Variants in IPO5 observed in about 807,000 individuals in gnomAD.
IPO5 encodes the protein importin-5.
In IPO5, 18 loss-of-function variants were observed where a neutral mutation model predicts 143.3. That is an observed-to-expected ratio of 0.13 (90% CI 0.09 to 0.19). The LOEUF is 0.19. Among genes scored for constraint, IPO5 ranks in the 10% least tolerant of loss-of-function variants. The pLI is 1.00. For synonymous variants in IPO5, 477 were observed against 465.7 expected, an observed-to-expected ratio of 1.02 and a Z score of -0.31; for missense variants, 1,013 against 1,336.9, an observed-to-expected ratio of 0.76 and a Z score of 3.78.
rs1362638283 is a variant in IPO5 at position 98,022,898 on chromosome 13, A to G, written c.*1076A>G. On this transcript the variant is annotated 3_prime_UTR_variant, in exon 29 of 29. Coordinates refer to ENST00000651721, the MANE Select transcript of IPO5 (RefSeq NM_002271.6). The stretch of plus-strand genomic sequence containing the variant: ...CAGTAAAATGTGTGAATGTTTCTTT[A>G]TGTATTAACCTCATAGCAGTAAATG... 6.6e-6 allele frequency: 1 copy of G among 152,640 alleles called. No individual in the cohort carries two copies. The allele number at this position is 152,640 out of a possible 1,614,324, so 9.5% of individuals were successfully genotyped here. A position where few individuals can be genotyped will look rare whatever the true frequency, so the allele number is the denominator to read the frequency against.
At chr13:97,999,275 T>G (rs551983429) in intron 12 of IPO5, among the ~76,000 whole-genome samples, 31 of 152,314 alleles carry the variant, frequency 2.0e-4, no homozygotes, top group Middle Eastern at 3.4e-3. Flanking sequence ...AATCCCATTG[T>G]TAAAAATGAC....
intron 2 of IPO5, among the ~76,000 whole-genome samples, chr13:97,957,845 A>G (rs1050048991): frequency 1.3e-5 from 2 of 152,076 alleles, no homozygotes; most frequent in East Asian, 3.9e-4. Context: ...TTAAATGTTA[A>G]AGAAACCCTG....
chr13:98,009,074 A>G (rs1889494018), intron 18 of IPO5, among the ~76,000 whole-genome samples: 1 of 152,142 alleles, frequency 6.6e-6, no homozygotes, highest in South Asian at 2.1e-4. Flanking sequence ...AGCTGTAGGG[A>G]GGGGTGGTAA....
At position 97,992,881 on chromosome 13, in the gene IPO5, A is replaced by G; in HGVS notation, c.670-11A>G. ...ATCTTCAGCACCGACTTTCTGTTTCATCTTTTCTAGGCGGTAAATGACTCG... is the reference window on the plus strand; with the variant it reads ...ATCTTCAGCACCGACTTTCTGTTTCGTCTTTTCTAGGCGGTAAATGACTCG... On this transcript the variant is annotated splice_polypyrimidine_tract_variant and intron_variant, in intron 9 of 28. Coordinates refer to ENST00000651721, the MANE Select transcript of IPO5 (RefSeq NM_002271.6). The G allele has an allele frequency of 6.3e-7, 1 of 1,599,674 alleles. No individual in the cohort carries two copies. Among genetic ancestry groups the G allele is most frequent in the Non-Finnish European group, 8.5e-7 (1 of 1,171,246 alleles).
Position 98,016,848 on chromosome 13 carries a change from C to A in IPO5, c.2613C>A (p.Leu871=). 6.5e-7 allele frequency: 1 copy of A among 1,546,790 alleles called. No homozygotes were observed. The highest frequency in any genetic ancestry group is 1.3e-5 in the South Asian group (1 of 79,826). The change falls in exon 25 of 29, where the codon CTC becomes CTA. Residue 871 remains leucine, a synonymous_variant. Coordinates refer to ENST00000651721, the MANE Select transcript of IPO5 (RefSeq NM_002271.6). The part of the protein sequence containing the change: ...FEQLLPLIVN[L]ICPHRPWPDR... Reference sequence around the variant, plus strand: ...AGCTGCTTCCATTAATTGTCAACCTCATTGTAAGTGTTACCTCTCTTAATA... The same window carrying A: ...AGCTGCTTCCATTAATTGTCAACCTAATTGTAAGTGTTACCTCTCTTAATA...
At chr13:98,000,210 G>A (rs1888646610) in intron 12 of IPO5, among the ~76,000 whole-genome samples, 1 of 152,076 alleles carries the variant, frequency 6.6e-6, no homozygotes, top group African/African-American at 2.4e-5. Context: ...GCATGAAGCT[G>A]GGAGGCGGAG....
At chr13:97,969,021 T>C (rs1885578688) in intron 2 of IPO5, among the ~76,000 whole-genome samples, 1 of 151,538 alleles carries the variant, frequency 6.6e-6, no homozygotes, top group South Asian at 2.1e-4. Context: ...ACGGGTTTTC[T>C]CTATGTTGGC....
At chr13:97,966,056 G>A (rs942832454) in intron 2 of IPO5, among the ~76,000 whole-genome samples, 2 of 148,990 alleles carry the variant, frequency 1.3e-5, no homozygotes, top group Non-Finnish European at 3.0e-5. Context: ...CAGGAGAATC[G>A]CTTGAACCAG....
intron 2 of IPO5, among the ~76,000 whole-genome samples, chr13:97,968,965 A>G (rs1022468667): frequency 3.3e-5 from 5 of 151,860 alleles, no homozygotes; most frequent in African/African-American, 1.2e-4. Flanking sequence ...CTGGGATTAC[A>G]GGCGCCTGCC....
chr13:98,017,431 C>G (rs1208243711), intron 25 of IPO5, among the ~76,000 whole-genome samples: 2 of 151,880 alleles, frequency 1.3e-5, no homozygotes, highest in Non-Finnish European at 2.9e-5. Context: ...CTTCTGGGTT[C>G]AAGCAATTCA....
intron 13 of IPO5, among the ~76,000 whole-genome samples, chr13:98,001,116 C>G (rs1238349251): frequency 1.3e-5 from 2 of 152,068 alleles, no homozygotes; most frequent in South Asian, 2.1e-4. Flanking sequence ...TCAAGCAGTC[C>G]TCCTGCTTCA....
chr13:98,000,414 A>G, intron 12 of IPO5, 125 bp from the exon 13 acceptor site: 1 of 628,042 alleles, frequency 1.6e-6, no homozygotes, highest in Non-Finnish European at 2.8e-6. Context: ...TCCACATTTA[A>G]AGACAGCTTG....
chr13:98,018,603 A>C lies in IPO5; in HGVS notation c.2735A>C (p.Gln912Pro). 6.2e-7 allele frequency: 1 copy of C among 1,614,200 alleles called. No individual in the cohort carries two copies. Among genetic ancestry groups the C allele is most frequent in the Non-Finnish European group, 8.5e-7 (1 of 1,180,006 alleles). Residue 912 changes from glutamine (Q) to proline (P), a missense_variant, in exon 26 of 29, where the codon CAA (glutamine) becomes CCA (proline). Gln to Pro is a moderately conservative substitution (Grantham distance 76). This residue lies in a region of IPO5 where 685 missense variants were observed against 994.9 expected (regional missense o/e 0.69). Coordinates refer to ENST00000651721, the MANE Select transcript of IPO5 (RefSeq NM_002271.6). ...GAATATTTCTTAAGACCAATGCTCC[A>C]ATATGTATGTGACAACAGCCCAGAA... The part of the protein sequence containing the change: ...YAEYFLRPML[Q>P]YVCDNSPEVR...
At chr13:97,954,869 T>C (rs1054585881) in intron 2 of IPO5, among the ~76,000 whole-genome samples, 3 of 152,214 alleles carry the variant, frequency 2.0e-5, no homozygotes, top group African/African-American at 7.2e-5. Context: ...GACAGATTTG[T>C]GTTGGAACAT....
chr13:98,015,830 A>T, intron 24 of IPO5, 49 bp downstream of exon 24: 1 of 1,228,772 alleles, frequency 8.1e-7, no homozygotes, highest in Non-Finnish European at 1.2e-6. Context: ...TGCATCTGAA[A>T]GACTTGTAAA....
intron 4 of IPO5, among the ~76,000 whole-genome samples, chr13:97,979,294 C>A (rs1886646806): frequency 6.6e-6 from 1 of 152,094 alleles, no homozygotes; most frequent in South Asian, 2.1e-4. Flanking sequence ...ACTAAGGTGA[C>A]TTTTGTATTC....
At chr13:97,994,591 T>C (rs1489911835) in intron 11 of IPO5, among the ~76,000 whole-genome samples, 5 of 152,180 alleles carry the variant, frequency 3.3e-5, no homozygotes, top group African/African-American at 1.2e-4. Context: ...AAATTATCAG[T>C]TCTCAAATTA....
At chr13:97,982,352 T>C (rs377005628) in intron 4 of IPO5, 151 bp from the exon 5 acceptor site, 5 of 598,618 alleles carry the variant, frequency 8.4e-6, no homozygotes, top group South Asian at 4.2e-5. Context: ...CCCTAACATA[T>C]CTGAAGTGTA....
chr13:97,984,763 T>C (rs1472460043), intron 5 of IPO5, among the ~76,000 whole-genome samples: 1 of 152,182 alleles, frequency 6.6e-6, no homozygotes, highest in Non-Finnish European at 1.5e-5. Context: ...GGTTCAATAT[T>C]CCCAATAGCT....
Sources: gnomAD v4.1 joint callset for allele counts (sites outside exome capture counted in the v4.1 genomes callset) on GRCh38, gnomAD v4.1.1 for gene constraint, gnomAD v4.1.1 regional missense constraint, MANE v1.5 for transcripts, NCBI Gene and HGNC (gene_info 2026-07-23, HGNC 2026-07-21) for gene names.